The following TTYH1 variants were observed in gnomAD, a reference collection of about 807,000 sequenced individuals.
The protein encoded by TTYH1 is tweety family member 1, also known as protein tweety homolog 1.
TTYH1 carries 33 observed loss-of-function variants against 61.2 expected under a neutral mutation model. The ratio of observed to expected loss-of-function variants is 0.54; its 90% confidence interval spans 0.41 to 0.72. TTYH1 has a LOEUF of 0.72. Among genes scored for constraint, TTYH1 ranks in the 30% least tolerant of loss-of-function variants. The pLI is 0.00. For missense variants in TTYH1, 538 were observed against 575.8 expected (o/e 0.93, Z 0.67); for synonymous variants, 308 against 266.4 (o/e 1.16, Z -1.52).
chr19:54,435,470 G>C (rs2083525984), intron 10 of TTYH1, 72 bp from the exon 11 acceptor site: 2 of 1,507,388 alleles, frequency 1.3e-6, no homozygotes, highest in African/African-American at 1.4e-5. Flanking sequence ...AGGACGGTCA[G>C]ACTGATGTGC....
Position 54,420,941 on chromosome 19 carries a change from G to A in TTYH1, c.306-336G>A. ...AAGGGTGTGGGGCAGGCAGTCCTAG[G>A]GAGGGGAAGACGGCCCATCCCGGAG... On this transcript the variant is annotated intron_variant, in intron 2 of 13. Transcript: ENST00000376530. This position sits in a 1 kb window ranked among gnomAD's most constrained non-coding sequence, Gnocchi z 4.8. The A allele has an allele frequency of 4.8e-6, 2 of 413,262 alleles. No individual in the cohort carries two copies. The highest frequency in any genetic ancestry group is 4.9e-5 in the South Asian group (2 of 40,632). The allele number at this position is 413,262 out of a possible 1,614,324, so 25.6% of individuals were successfully genotyped here.
chr19:54,418,874 G>A (rs2122858420), intron 1 of TTYH1, among the ~76,000 whole-genome samples: 1 of 152,350 alleles, frequency 6.6e-6, no homozygotes, highest in East Asian at 1.9e-4. Flanking sequence ...CCAATGGAGG[G>A]CAGAGCAGAA....
Position 54,416,171 on chromosome 19 carries a change from A to G in TTYH1, c.126+493A>G. 1.1e-6 allele frequency: 1 copy of G among 906,628 alleles called. No homozygotes were observed. Among genetic ancestry groups the G allele is most frequent in the Admixed American group, 2.4e-5 (1 of 41,872 alleles). 56.2% of individuals were successfully genotyped at this position (906,628 alleles called of 1,614,324 possible). ...GTGCTGGGATGGGATTGAGAGTCTG[A>G]AATGGGGAAGGGGGCTTCAGGGGCT... is the stretch of plus-strand genomic sequence containing the variant. On this transcript the variant is annotated intron_variant, in intron 1 of 13. Coordinates refer to ENST00000376530, the MANE Select transcript of TTYH1 (RefSeq NM_020659.4). This position sits in a 1 kb window ranked among gnomAD's most constrained non-coding sequence, Gnocchi z 7.0.
chr19:54,420,629 G>A lies in TTYH1; in HGVS notation c.306-648G>A, dbSNP rs994659551. 21 of 164,736 alleles carry A rather than the reference G, an allele frequency of 1.3e-4. No individual in the cohort carries two copies. The highest frequency in any genetic ancestry group is 1.9e-4 in the African/African-American group (8 of 41,400). 10.2% of individuals were successfully genotyped at this position (164,736 alleles called of 1,614,324 possible). A position where few individuals can be genotyped will look rare whatever the true frequency, so the allele number is the denominator to read the frequency against. On this transcript the variant is annotated intron_variant, in intron 2 of 13. Transcript: ENST00000376530. This position sits in a 1 kb window ranked among gnomAD's most constrained non-coding sequence, Gnocchi z 4.8. ...CTCTGTGTGTCGGTAGGGTGGGGGC[G>A]GGGGCACGGCTTCTCGCCCATCCTC...
At chr19:54,427,962 G>T (rs1278797514) in intron 5 of TTYH1, among the ~76,000 whole-genome samples, 5 of 151,928 alleles carry the variant, frequency 3.3e-5, no homozygotes, top group African/African-American at 1.2e-4. Context: ...CCAGACTGGA[G>T]TGCAGTGGCA....
chr19:54,429,171 T>G lies in TTYH1; in HGVS notation c.735-136T>G. ...GGCCTACCCCCAACCACTGAACTTGTGTTTCCCTAATTCTGATCCTCCAGG... is the reference window on the plus strand; with the variant it reads ...GGCCTACCCCCAACCACTGAACTTGGGTTTCCCTAATTCTGATCCTCCAGG... On this transcript the variant is annotated intron_variant, in intron 5 of 13. Transcript: ENST00000376530. This position sits in a 1 kb window ranked among gnomAD's most constrained non-coding sequence, Gnocchi z 5.1. The G allele has an allele frequency of 1.3e-6, 1 of 779,078 alleles. No homozygotes were observed. The highest frequency in any genetic ancestry group is 2.2e-6 in the Non-Finnish European group (1 of 459,574). 48.3% of individuals were successfully genotyped at this position (779,078 alleles called of 1,614,324 possible). A position where few individuals can be genotyped will look rare whatever the true frequency, so the allele number is the denominator to read the frequency against.
At chr19:54,430,373 G>A (rs1186352757) in intron 7 of TTYH1, among the ~76,000 whole-genome samples, 177 bp from the exon 8 acceptor site, 4 of 152,152 alleles carry the variant, frequency 2.6e-5, no homozygotes, top group Non-Finnish European at 5.9e-5. Context: ...GCCTGCTCTG[G>A]CTGTGGCAGG....
chr19:54,422,735 C>G (rs1243680103), intron 4 of TTYH1, among the ~76,000 whole-genome samples: 1 of 151,872 alleles, frequency 6.6e-6, no homozygotes, highest in African/African-American at 2.4e-5. Context: ...TTGAGACCAG[C>G]CTGGCCAACG....
At chr19:54,424,201 A>T (rs148931531) in intron 4 of TTYH1, among the ~76,000 whole-genome samples, 87 of 151,090 alleles carry the variant, frequency 5.8e-4, no homozygotes, top group African/African-American at 2.0e-3. Context: ...ATGAGGTGGG[A>T]CAGAGTCTGG....
At chr19:54,417,247 CACAT>C (rs1168189098) in intron 1 of TTYH1, among the ~76,000 whole-genome samples, 1 of 146,682 alleles carries the variant, frequency 6.8e-6, no homozygotes, top group Non-Finnish European at 1.5e-5. Flanking sequence ...CACATGCACA[CACAT>C]ATGCACAGGC....
Position 54,422,240 on chromosome 19 carries a change from C to A in TTYH1, c.468C>A (p.Thr156=). ...GCGAGGCGGTGAGGACAGAGCTGAC[C>A]ACCCTGGAGGAGGTGCTCGAGCCGC... is the stretch of plus-strand genomic sequence containing the variant. ...RLGEAVRTEL[T]TLEEVLEPRT... is the part of the protein sequence containing the mutation. Residue 156 remains threonine (T), a synonymous_variant, in exon 4 of 14, where the codon ACC becomes ACA. Transcript: ENST00000376530. The A allele has an allele frequency of 6.4e-7, 1 of 1,567,794 alleles. No individual in the cohort carries two copies.
intron 10 of TTYH1, among the ~76,000 whole-genome samples, chr19:54,433,883 G>A (rs2083488702): frequency 6.6e-6 from 1 of 152,064 alleles, no homozygotes; most frequent in Admixed American, 6.6e-5. Flanking sequence ...ATTGCAAGAG[G>A]CGGCAGCGTG....
chr19:54,427,945 T>C (rs901740533), intron 5 of TTYH1, among the ~76,000 whole-genome samples: 5 of 151,970 alleles, frequency 3.3e-5, no homozygotes, highest in African/African-American at 1.2e-4. Flanking sequence ...AGGTCTTGCT[T>C]TGTTGCCCAG....
chr19:54,427,197 T>C (rs1276852565), intron 5 of TTYH1, among the ~76,000 whole-genome samples: 2 of 140,024 alleles, frequency 1.4e-5, no homozygotes, highest in African/African-American at 2.7e-5. Context: ...CTCAGGAGGC[T>C]GAGGCAGGAG....
intron 5 of TTYH1, among the ~76,000 whole-genome samples, chr19:54,427,341 C>T (rs974461920): frequency 7.6e-6 from 1 of 131,510 alleles, no homozygotes; most frequent in Non-Finnish European, 1.6e-5. Context: ...CGTGGTGGCT[C>T]ACGCCTGTAA....
Position 54,421,213 on chromosome 19 carries a change from AG to A in TTYH1, c.306-60del. ...GGCGAGGTGGAGGGGATGGGGTGGG[AG>A]GGGACGGTGGCCCCCGGGGTCCTGG... On this transcript the variant is annotated intron_variant, in intron 2 of 13. Coordinates refer to ENST00000376530, the MANE Select transcript of TTYH1 (RefSeq NM_020659.4). This position sits in a 1 kb window ranked among gnomAD's most constrained non-coding sequence, Gnocchi z 4.8. 9.9e-7 allele frequency: 1 copy of A among 1,005,432 alleles called. No individual in the cohort carries two copies. 62.3% of individuals were successfully genotyped at this position (1,005,432 alleles called of 1,614,324 possible).
At position 54,422,286 on chromosome 19, in the gene TTYH1, G is replaced by A. The variant is rs1043754346; in HGVS notation, c.514G>A (p.Ala172Thr). The A allele has an allele frequency of 1.3e-5, 21 of 1,567,008 alleles. No individual in the cohort carries two copies. The highest frequency in any genetic ancestry group is 3.5e-5 in the South Asian group (3 of 85,358). ...LEPRTELVAA[A>T]RGARRQAEAA... is the part of the protein sequence containing the mutation. ...GCCGCGCACGGAGCTGGTGGCTGCC[G>A]CCCGAGGGGCTCGACGGCAGGCGGA... The change falls in exon 4 of 14, where the codon GCC becomes ACC. Residue 172 changes from alanine to threonine, a missense_variant. This residue lies in a region of TTYH1 where 378 missense variants were observed against 401.2 expected (regional missense o/e 0.94). Transcript: ENST00000376530.
chr19:54,435,542 G>T lies in TTYH1; in HGVS notation c.1126G>T (p.Asp376Tyr). 6.3e-7 allele frequency: 1 copy of T among 1,597,496 alleles called. No homozygotes were observed. ...TGGCCTGATGACGCCCTCCCCTCAG[G>T]ACTATGGTGCAGCCCTGCGGGGCCT... Reference protein sequence around the residue: ...ALLHCRSLHKDYGAALRGLCE... With the variant: ...ALLHCRSLHKYYGAALRGLCE... Residue 376 changes from aspartate (D) to tyrosine (Y), a missense_variant and splice_region_variant, in exon 11 of 14, where the codon GAC (aspartate) becomes TAC (tyrosine). By Grantham distance (160) the Asp-to-Tyr change is radical. Transcript: ENST00000376530.
chr19:54,422,149 C>T lies in TTYH1; in HGVS notation c.418-41C>T, dbSNP rs376560905. 6.0e-5 allele frequency: 90 copies of T among 1,505,488 alleles called. No homozygotes were observed. In the African/African-American group the frequency reaches 7.5e-4, roughly 13 times the overall value. 93.3% of individuals were successfully genotyped at this position (1,505,488 alleles called of 1,614,324 possible). On this transcript the variant is annotated intron_variant, in intron 3 of 13. Coordinates refer to ENST00000376530, the MANE Select transcript of TTYH1 (RefSeq NM_020659.4). ...CCATGCCTCGACCGCGGGCTCCCCC[C>T]AGGATGTCCTTCCAGACCTCAGCCC... is the stretch of plus-strand genomic sequence containing the variant.
Sources: gnomAD v4.1 joint callset for allele counts (sites outside exome capture counted in the v4.1 genomes callset) on GRCh38, gnomAD v4.1.1 for gene constraint, gnomAD v4.1.1 regional missense constraint, Gnocchi (gnomAD v3.1) non-coding constraint, MANE v1.5 for transcripts, NCBI Gene and HGNC (gene_info 2026-07-23, HGNC 2026-07-21) for gene names.